The following SEMA3E variants were observed in gnomAD, a reference collection of about 807,000 sequenced individuals.
SEMA3E encodes the protein semaphorin-3E.
Under a neutral mutation model 93.6 loss-of-function variants are expected in SEMA3E, and 49 were observed. The observed-to-expected ratio is 0.52, with a 90% CI of 0.42 to 0.66. The LOEUF (loss-of-function observed/expected upper bound fraction) is 0.66, where lower values mean the gene tolerates loss of function less well. Among genes scored for constraint, SEMA3E ranks in the 30% least tolerant of loss-of-function variants. SEMA3E has a pLI of 0.00. For synonymous variants in SEMA3E, 363 were observed against 330.7 expected, an observed-to-expected ratio of 1.10 and a Z score of -1.06; for missense variants, 906 against 964.8, an observed-to-expected ratio of 0.94 and a Z score of 0.81.
intron 1 of SEMA3E, among the ~76,000 whole-genome samples, chr7:83,492,103 A>C (rs550819639): frequency 6.6e-6 from 1 of 152,208 alleles, no homozygotes; most frequent in South Asian, 2.1e-4. Context: ...ACAGTGAAAT[A>C]ATCTGAATGT....
At chr7:83,380,097 G>A (rs1029845749) in intron 16 of SEMA3E, among the ~76,000 whole-genome samples, 10 of 151,670 alleles carry the variant, frequency 6.6e-5, no homozygotes, top group East Asian at 3.9e-4. Flanking sequence ...TCTCCCAAAC[G>A]TGCTTCTTCT....
At chr7:83,620,365 A>C (rs1793525200) in intron 1 of SEMA3E, among the ~76,000 whole-genome samples, 1 of 152,094 alleles carries the variant, frequency 6.6e-6, no homozygotes, top group African/African-American at 2.4e-5. Flanking sequence ...TTAACCTACC[A>C]ACCAAAAACA....
Position 83,405,510 on chromosome 7 carries a change from A to T in SEMA3E, c.938T>A (p.Phe313Tyr), listed in dbSNP as rs756867198. The change falls in exon 9 of 17, where the codon TTT (phenylalanine) becomes TAT (tyrosine). Residue 313 changes from phenylalanine (F) to tyrosine (Y), a missense_variant. Transcript: ENST00000643230. ...CTTATGATCTCTGGTAGGTAGCAAA[A>T]AAACGTCCTCTGAAAAATTAAAGGC... ...DTYFDELEDV[F>Y]LLPTRDHKNP... The T allele has an allele frequency of 6.2e-7, 1 of 1,613,066 alleles. No homozygotes were observed. Among genetic ancestry groups the T allele is most frequent in the Non-Finnish European group, 8.5e-7 (1 of 1,179,310 alleles).
rs1473013700 is a variant in SEMA3E at position 83,366,445 on chromosome 7, TAA to T, written c.*1139_*1140del. 6.7e-6 allele frequency: 1 copy of T among 150,242 alleles called. No homozygotes were observed. Among genetic ancestry groups the T allele is most frequent in the Non-Finnish European group, 1.5e-5 (1 of 67,264 alleles). The allele number at this position is 150,242 out of a possible 1,614,324, so 9.3% of individuals were successfully genotyped here. A position where few individuals can be genotyped will look rare whatever the true frequency, so the allele number is the denominator to read the frequency against. On this transcript the variant is annotated 3_prime_UTR_variant, in exon 17 of 17. Transcript: ENST00000643230. ...TGAAACAATTTTCTGTCTCTTAATATAAAAGAGAGAAGAAAATTTGATATTTG... is the reference window on the plus strand; with the variant it reads ...TGAAACAATTTTCTGTCTCTTAATATAAGAGAGAAGAAAATTTGATATTTG...
chr7:83,445,335 C>T (rs113954555), intron 4 of SEMA3E, among the ~76,000 whole-genome samples: 1 of 152,066 alleles, frequency 6.6e-6, no homozygotes, highest in Non-Finnish European at 1.5e-5. Flanking sequence ...AACTCTAAAA[C>T]ATTTTTATAT....
chr7:83,603,574 A>G (rs1346330054), intron 1 of SEMA3E, among the ~76,000 whole-genome samples: 1 of 152,170 alleles, frequency 6.6e-6, no homozygotes, highest in Non-Finnish European at 1.5e-5. Context: ...ACATTTTATT[A>G]AGAAGATGAG....
rs191373862 is a variant in SEMA3E, at chr7:83,617,693, G to A, written c.115+30735C>T. Among the ~76,000 whole-genome samples, 526 of 148,350 alleles carry A rather than the reference G, an allele frequency of 3.5e-3. 1 individual carries two copies. Among genetic ancestry groups the A allele is most frequent in the Admixed American group, 5.9e-3 (87 of 14,752 alleles). On this transcript the variant is annotated intron_variant, in intron 1 of 16. Coordinates refer to ENST00000643230, the MANE Select transcript of SEMA3E (RefSeq NM_012431.3). ...ATAGATAACTAAGTCATTTTATGAA[G>A]GAGGAAATTGTAAATCACTGTTTGA... is the stretch of plus-strand genomic sequence containing the variant.
chr7:83,504,365 G>A (rs1333381269), intron 1 of SEMA3E, among the ~76,000 whole-genome samples: 1 of 152,164 alleles, frequency 6.6e-6, no homozygotes, highest in Non-Finnish European at 1.5e-5. Flanking sequence ...CTATGTGGAT[G>A]TAGAGATGAG....
intron 1 of SEMA3E, among the ~76,000 whole-genome samples, chr7:83,517,366 G>A (rs76775832): frequency 3.0e-3 from 450 of 152,212 alleles, no homozygotes; most frequent in African/African-American, 9.9e-3. Flanking sequence ...CATCAACAAC[G>A]TTGAAAGCTT....
At position 83,634,639 on chromosome 7, in the gene SEMA3E, T is replaced by C. The variant is rs547260036; in HGVS notation, c.115+13789A>G. On this transcript the variant is annotated intron_variant, in intron 1 of 16. Transcript: ENST00000643230. ...CTTCTTATTATGGTTATTTAAATAT[T>C]ATTACAAGCGAATTTTGCTTTGGGG... Among the ~76,000 whole-genome samples, 8 of 152,194 alleles carry C rather than the reference T, an allele frequency of 5.3e-5. No individual in the cohort carries two copies. In the South Asian group the frequency reaches 1.7e-3, roughly 32 times the overall value.
intron 5 of SEMA3E, among the ~76,000 whole-genome samples, chr7:83,412,216 T>G (rs1485903019): frequency 1.3e-5 from 2 of 152,284 alleles, no homozygotes; most frequent in Admixed American, 6.5e-5. Context: ...CAAACTTTTT[T>G]AGTGTAGTGG....
rs141399261 is a variant in SEMA3E, at chr7:83,494,725, A to G, written c.116-4451T>C. Among the ~76,000 whole-genome samples the G allele has an allele frequency of 2.8e-3, 428 of 152,058 alleles. 3 individuals carry two copies. Among genetic ancestry groups the G allele is most frequent in the African/African-American group, 8.4e-3 (348 of 41,552 alleles). On this transcript the variant is annotated intron_variant, in intron 1 of 16. Transcript: ENST00000643230. The stretch of plus-strand genomic sequence containing the variant: ...CTGTACTGATTCTAAAGGGCTTATT[A>G]TTTAGTTTGTTCATGGCCAAATATG...
intron 4 of SEMA3E, among the ~76,000 whole-genome samples, chr7:83,460,996 C>T (rs143009418): frequency 0.015 from 2,291 of 152,194 alleles, 55 homozygotes; most frequent in African/African-American, 0.052. Flanking sequence ...CTCTTCAACT[C>T]ACACCTGACC....
chr7:83,412,602 T>C (rs62460799), intron 5 of SEMA3E, among the ~76,000 whole-genome samples: 28,997 of 151,250 alleles, frequency 0.19, 3,169 homozygotes, highest in Middle Eastern at 0.31. Context: ...ATAATAATGA[T>C]AAATAATAAA....
intron 11 of SEMA3E, 99 bp from the exon 12 acceptor site, chr7:83,396,828 A>G: frequency 1.3e-6 from 1 of 781,968 alleles, no homozygotes; most frequent in Non-Finnish European, 2.2e-6. Flanking sequence ...TCATGCCTGT[A>G]ATCACTTTGG....
At chr7:83,604,659 C>T (rs572517619) in intron 1 of SEMA3E, among the ~76,000 whole-genome samples, 1 of 151,912 alleles carries the variant, frequency 6.6e-6, no homozygotes, top group South Asian at 2.1e-4. Context: ...GATACATGCA[C>T]AGAACATGCA....
At chr7:83,586,155 A>G (rs181791727) in intron 1 of SEMA3E, among the ~76,000 whole-genome samples, 28 of 152,298 alleles carry the variant, frequency 1.8e-4, no homozygotes, top group Admixed American at 9.2e-4. Flanking sequence ...TTCTTTTAAG[A>G]GACACACTGA....
chr7:83,425,739 C>A (rs1260343799), intron 4 of SEMA3E, among the ~76,000 whole-genome samples: 6 of 152,032 alleles, frequency 3.9e-5, no homozygotes, highest in Non-Finnish European at 7.4e-5. Context: ...GGGACCTAAA[C>A]AAGTCGGACC....
chr7:83,509,679 A>G (rs1284687576), intron 1 of SEMA3E, among the ~76,000 whole-genome samples: 1 of 152,110 alleles, frequency 6.6e-6, no homozygotes, highest in Non-Finnish European at 1.5e-5. Flanking sequence ...GCACATTGGA[A>G]TCTCCTGGAA....
Sources: allele counts gnomAD v4.1 joint callset (sites outside exome capture counted in the v4.1 genomes callset), GRCh38; gene constraint gnomAD v4.1.1; transcripts MANE v1.5; gene names NCBI Gene and HGNC (gene_info 2026-07-23, HGNC 2026-07-21).